Variants in EPG5 observed in about 807,000 individuals in gnomAD.
EPG5 encodes the protein ectopic P-granules 5 autophagy tethering factor.
A neutral mutation model predicts 302.7 loss-of-function variants in EPG5; 159 were observed. That is an observed-to-expected ratio of 0.53 (90% CI 0.46 to 0.60). The LOEUF (loss-of-function observed/expected upper bound fraction) is 0.60. Among genes scored for constraint, EPG5 ranks in the 20% least tolerant of loss-of-function variants. EPG5 has a pLI of 0.00. For missense variants in EPG5, 2,896 were observed against 3,092.4 expected, an observed-to-expected ratio of 0.94 and a Z score of 1.51; for synonymous variants, 1,158 against 1,136.8, an observed-to-expected ratio of 1.02 and a Z score of -0.37.
chr18:45,916,719 T>C (rs763233892), intron 17 of EPG5, 137 bp from the exon 18 acceptor site: 3 of 873,288 alleles, frequency 3.4e-6, no homozygotes, highest in Non-Finnish European at 5.0e-6. Flanking sequence ...GAAGGGATTC[T>C]AGAAGAATAA....
At chr18:45,878,650 TTACAA>T (rs1395219207) in intron 33 of EPG5, among the ~76,000 whole-genome samples, 4 of 152,326 alleles carry the variant, frequency 2.6e-5, no homozygotes, top group Non-Finnish European at 2.9e-5. Flanking sequence ...AGAATTTGTA[TTACAA>T]TACAATATCA....
chr18:45,878,482 AT>A, intron 33 of EPG5, 34 bp from the exon 34 acceptor site: 1 of 1,337,392 alleles, frequency 7.5e-7, no homozygotes, highest in Non-Finnish European at 1.1e-6. Context: ...AAAGGTCATC[AT>A]TTGTCATTTG....
intron 21 of EPG5, among the ~76,000 whole-genome samples, chr18:45,912,906 G>A (rs896644759): frequency 1.3e-5 from 2 of 152,006 alleles, no homozygotes; most frequent in Admixed American, 1.3e-4. Context: ...TGGCCAACAC[G>A]GCAAAACCTT....
At chr18:45,962,823 G>A (rs60866799) in intron 1 of EPG5, among the ~76,000 whole-genome samples, 15,801 of 152,070 alleles carry the variant, frequency 0.1, 1,246 homozygotes, top group East Asian at 0.29. Flanking sequence ...AACTATAATC[G>A]AACTATAACC....
At chr18:45,834,962 G>C in the EPG5 span, among the ~76,000 whole-genome samples, 1 of 152,140 alleles carries the variant, frequency 6.6e-6, no homozygotes, top group Non-Finnish European at 1.5e-5. Context: ...CCTTCAGACA[G>C]GGTTTCTCAA....
At chr18:45,868,018 A>T (rs1223646382) in intron 36 of EPG5, 1 of 519,666 alleles carries the variant, frequency 1.9e-6, no homozygotes, top group Non-Finnish European at 3.7e-6. Flanking sequence ...CCCTAACCCC[A>T]ACCTGGGTGG....
chr18:45,839,946 C>A, the EPG5 span, among the ~76,000 whole-genome samples: 1 of 152,078 alleles, frequency 6.6e-6, no homozygotes, highest in Middle Eastern at 3.2e-3. Context: ...CTTTCTTGCC[C>A]GTTTCTTGGA....
At chr18:45,956,445 G>A (rs1012053809) in intron 1 of EPG5, among the ~76,000 whole-genome samples, 2 of 149,122 alleles carry the variant, frequency 1.3e-5, no homozygotes, top group South Asian at 4.2e-4. Flanking sequence ...AATTCTTTAG[G>A]GTGTTTTATT....
At chr18:45,860,831 GA>G (rs2048619722) in intron 39 of EPG5, among the ~76,000 whole-genome samples, 1 of 152,100 alleles carries the variant, frequency 6.6e-6, no homozygotes, top group African/African-American at 2.4e-5. Flanking sequence ...TAAATGTAAG[GA>G]AAAACCTTTG....
chr18:45,935,141 C>T (rs2050490628), intron 10 of EPG5, among the ~76,000 whole-genome samples, 175 bp from the exon 11 acceptor site: 1 of 152,214 alleles, frequency 6.6e-6, no homozygotes, highest in Non-Finnish European at 1.5e-5. Flanking sequence ...ATACAAACCA[C>T]CCAGTCTGTG....
Position 45,865,638 on chromosome 18 carries a change from T to C in EPG5, c.6743A>G (p.Asp2248Gly), listed in dbSNP as rs1440725586. 9.9e-6 allele frequency: 16 copies of C among 1,614,132 alleles called. No individual in the cohort carries two copies. Among genetic ancestry groups the C allele is most frequent in the African/African-American group, 1.3e-5 (1 of 75,028 alleles). Residue 2248 changes from aspartate (D) to glycine (G), a missense_variant, in exon 39 of 44, where the codon GAT (aspartate) becomes GGT (glycine). This residue lies in a region of EPG5 where 620 missense variants were observed against 704.2 expected (regional missense o/e 0.88). Transcript: ENST00000282041. ...ACCGGGCGGGTTAAAGACAATGATA[T>C]CGTCTAAGAGCTTAGACATTTCCTG... ...LEQEMSKLLD[D>G]IIVFNPPDMD...
In EPG5 at chr18:45,867,026, T is replaced by C; in HGVS notation, c.6412-19A>G. ...GTGAATCCTAAAAATAAAACACATA[T>C]TCCTTTAGTTCCAGAGCCCCAATTT... On this transcript the variant is annotated intron_variant, in intron 37 of 43. Transcript: ENST00000282041. The C allele has an allele frequency of 2.5e-6, 4 of 1,595,512 alleles. No individual in the cohort carries two copies. The highest frequency in any genetic ancestry group is 2.2e-5 in the South Asian group (2 of 90,678).
intron 35 of EPG5, 58 bp downstream of exon 35, chr18:45,876,178 G>T: frequency 8.4e-7 from 1 of 1,183,932 alleles, no homozygotes; most frequent in Non-Finnish European, 1.3e-6. Context: ...AGAAGAAAAA[G>T]ACTGACTGAC....
chr18:45,908,841 C>T (rs2049822181), intron 23 of EPG5, among the ~76,000 whole-genome samples: 1 of 151,700 alleles, frequency 6.6e-6, no homozygotes, highest in African/African-American at 2.4e-5. Context: ...CCCAGCTACT[C>T]AGGAGGCTGA....
At chr18:45,856,846 C>T (rs2048525173) in intron 42 of EPG5, among the ~76,000 whole-genome samples, 1 of 152,190 alleles carries the variant, frequency 6.6e-6, no homozygotes, top group Non-Finnish European at 1.5e-5. Context: ...TCTTCCATGC[C>T]TTGGGATTTT....
Position 45,899,404 on chromosome 18 carries a change from C to A in EPG5, c.4809G>T (p.Gln1603His). Residue 1603 changes from glutamine to histidine, a missense_variant and splice_region_variant, in exon 27 of 44, where the codon CAG (glutamine) becomes CAT (histidine). Physicochemically the swap from Gln to His is conservative, Grantham distance 24. Coordinates refer to ENST00000282041, the MANE Select transcript of EPG5 (RefSeq NM_020964.3). ...GTTCTGAAGAAATTTAAACACTTACCTGAACCGTGACAACTGCGGCTCCTT... is the reference window on the plus strand; with the variant it reads ...GTTCTGAAGAAATTTAAACACTTACATGAACCGTGACAACTGCGGCTCCTT... ...KCQGAAVVTVQFEGMHKNEAI... is the reference protein window; with the variant it reads ...KCQGAAVVTVHFEGMHKNEAI... 6.2e-7 allele frequency: 1 copy of A among 1,614,094 alleles called. No individual in the cohort carries two copies. The highest frequency in any genetic ancestry group is 1.1e-5 in the South Asian group (1 of 91,084).
chr18:45,862,811 T>G (rs2048664224), intron 39 of EPG5, among the ~76,000 whole-genome samples: 1 of 152,268 alleles, frequency 6.6e-6, no homozygotes, highest in Non-Finnish European at 1.5e-5. Flanking sequence ...TTTTTCTTTA[T>G]AGCAGTGTGA....
At chr18:45,807,685 T>C in the EPG5 span, among the ~76,000 whole-genome samples, 1 of 150,506 alleles carries the variant, frequency 6.6e-6, no homozygotes, top group Admixed American at 6.6e-5. Flanking sequence ...AGGGAGAGAG[T>C]TCTACATCAA....
intron 23 of EPG5, among the ~76,000 whole-genome samples, chr18:45,909,862 C>G (rs1017942159): frequency 2.0e-5 from 3 of 152,194 alleles, no homozygotes; most frequent in African/African-American, 7.2e-5. Flanking sequence ...AGGAGGATCA[C>G]GTGAGCCCAG....
Sources: allele counts gnomAD v4.1 joint callset (sites outside exome capture counted in the v4.1 genomes callset), GRCh38; gene constraint gnomAD v4.1.1; regional missense constraint gnomAD v4.1.1; transcripts MANE v1.5; gene names NCBI Gene and HGNC (gene_info 2026-07-23, HGNC 2026-07-21).